Variants in KANK4 observed in about 807,000 individuals in gnomAD.
KANK4 encodes the protein KN motif and ankyrin repeat domains 4, also known as KN motif and ankyrin repeat domain-containing protein 4.
In KANK4, 50 loss-of-function variants were observed where a neutral mutation model predicts 80.8. The ratio of observed to expected loss-of-function variants is 0.62; its 90% CI spans 0.49 to 0.78. The LOEUF (loss-of-function observed/expected upper bound fraction) is 0.78, where lower values mean the gene tolerates loss of function less well. Among genes scored for constraint, KANK4 ranks in the 30% least tolerant of loss-of-function variants. The pLI is 0.00. For synonymous variants in KANK4, 465 were observed against 506.9 expected (o/e 0.92, Z 1.11); for missense variants, 1,196 against 1,240.1 (o/e 0.96, Z 0.53).
In KANK4 at chr1:62,274,012, T is replaced by C; in HGVS notation, c.1092A>G (p.Ala364=). 8 of 1,614,204 alleles carry C rather than the reference T, an allele frequency of 5.0e-6. No homozygotes were observed. Among genetic ancestry groups the C allele is most frequent in the Non-Finnish European group, 6.8e-6 (8 of 1,180,036 alleles). The change falls in exon 3 of 10, where the codon GCA becomes GCG. Residue 364 remains alanine (A), a synonymous_variant. Coordinates refer to ENST00000371153, the MANE Select transcript of KANK4 (RefSeq NM_181712.5). ...GELSGRTEEL[A]QVRTALQQQE... is the part of the protein sequence containing the mutation. ...GCTGCTGGAGAGCAGTTCTGACCTG[T>C]GCCAGTTCCTCGGTTCTTCCAGACA... is the stretch of plus-strand genomic sequence containing the variant.
chr1:62,254,916 T>C (rs1671715540), intron 7 of KANK4, among the ~76,000 whole-genome samples: 1 of 120,176 alleles, frequency 8.3e-6, no homozygotes, highest in Non-Finnish European at 1.6e-5. Context: ...AGACGGAGTC[T>C]CGCTCTGTCA....
chr1:62,260,275 C>A (rs769793798), intron 7 of KANK4, among the ~76,000 whole-genome samples: 1 of 151,938 alleles, frequency 6.6e-6, no homozygotes, highest in African/African-American at 2.4e-5. Context: ...TTGTATCTTT[C>A]ACCTTCCTCC....
Position 62,263,159 on chromosome 1 carries a change from C to G in KANK4, c.2472G>C (p.Gly824=), listed in dbSNP as rs187029240. 1.2e-6 allele frequency: 2 copies of G among 1,613,950 alleles called. No homozygotes were observed. The highest frequency in any genetic ancestry group is 1.7e-6 in the Non-Finnish European group (2 of 1,179,940). Residue 824 remains glycine (G), a synonymous_variant, in exon 7 of 10, where the codon GGG becomes GGC. Transcript: ENST00000371153. Reference sequence around the variant, plus strand: ...ACACGCTGTAGTGAAGGGCCGTGTTCCCGTTGTGATCGGCCAAGTTGACAA... The same window carrying G: ...ACACGCTGTAGTGAAGGGCCGTGTTGCCGTTGTGATCGGCCAAGTTGACAA... ...KLLVNLADHN[G]NTALHYSVSH...
intron 1 of KANK4, among the ~76,000 whole-genome samples, chr1:62,283,573 A>G (rs1450012235): frequency 6.6e-6 from 1 of 152,184 alleles, no homozygotes; most frequent in Non-Finnish European, 1.5e-5. Flanking sequence ...GTGAGGGGAA[A>G]TGCTTCTGAC....
chr1:62,249,355 TGC>T (rs1437661469), intron 8 of KANK4, among the ~76,000 whole-genome samples: 29 of 96,268 alleles, frequency 3.0e-4, no homozygotes, highest in African/African-American at 1.1e-3. Context: ...TTTGTGTGTG[TGC>T]GTGTGTGTAT....
rs1251333027 is a variant in KANK4, at chr1:62,236,549, T to G, written c.*1728A>C. On this transcript the variant is annotated 3_prime_UTR_variant, in exon 10 of 10. Coordinates refer to ENST00000371153, the MANE Select transcript of KANK4 (RefSeq NM_181712.5). ...ATGAATCACAATGGCAAAAGAAGTT[T>G]GCTGTACCATTGCTGTAGATGGCCT... Among the ~76,000 whole-genome samples, 1 of 152,070 alleles carries G rather than the reference T, an allele frequency of 6.6e-6. No individual in the cohort carries two copies. Among genetic ancestry groups the G allele is most frequent in the Non-Finnish European group, 1.5e-5 (1 of 68,010 alleles).
rs542273144 is a variant in KANK4, at chr1:62,308,615, G to A, written c.-71+10491C>T. ...AAAGCCCAGCCACCCTCTCAAAGGA[G>A]CAGTTTCCAGCACCCACCAACACTC... On this transcript the variant is annotated intron_variant, in intron 1 of 9. Transcript: ENST00000371153. Among the ~76,000 whole-genome samples, 5 of 152,264 alleles carry A rather than the reference G, an allele frequency of 3.3e-5. No homozygotes were observed. In the South Asian group the frequency reaches 1.0e-3, roughly 32 times the overall value.
intron 3 of KANK4, chr1:62,272,192 C>T (rs1672179305): frequency 6.5e-6 from 1 of 152,822 alleles, no homozygotes; most frequent in Non-Finnish European, 1.5e-5. Flanking sequence ...TGCTGCCCTG[C>T]AAAGCAAAAC....
intron 1 of KANK4, among the ~76,000 whole-genome samples, chr1:62,295,050 A>G (rs1018142497): frequency 2.8e-4 from 42 of 152,200 alleles, no homozygotes; most frequent in African/African-American, 9.9e-4. Context: ...GGTTTATATC[A>G]CCCCACGGAG....
intron 6 of KANK4, among the ~76,000 whole-genome samples, chr1:62,264,833 G>T (rs979560557): frequency 2.6e-5 from 4 of 152,158 alleles, no homozygotes; most frequent in Admixed American, 6.5e-5. Flanking sequence ...CGTTTGTTTG[G>T]TTGGTTGGTT....
chr1:62,258,942 C>A (rs1186151481), intron 7 of KANK4, among the ~76,000 whole-genome samples: 2 of 152,026 alleles, frequency 1.3e-5, no homozygotes, highest in Non-Finnish European at 2.9e-5. Flanking sequence ...ATACAAAAAT[C>A]CCAGGAGGGA....
chr1:62,305,338 TCGCTTTGTCGC>T (rs1436545124), intron 1 of KANK4, among the ~76,000 whole-genome samples: 31 of 152,150 alleles, frequency 2.0e-4, no homozygotes, highest in Non-Finnish European at 4.1e-4. Flanking sequence ...AGACAGAGTC[TCGCTTTGTCGC>T]CCAGGCTGGA....
chr1:62,248,401 C>T (rs1671523310), intron 8 of KANK4, among the ~76,000 whole-genome samples: 1 of 152,056 alleles, frequency 6.6e-6, no homozygotes, highest in South Asian at 2.1e-4. Context: ...TGGGGTCTTG[C>T]TGTGTTACCC....
chr1:62,303,663 T>C (rs1305505983), intron 1 of KANK4, among the ~76,000 whole-genome samples: 1 of 152,044 alleles, frequency 6.6e-6, no homozygotes, highest in Admixed American at 6.6e-5. Context: ...TAAAATGTGC[T>C]GTAAGTGTAA....
At chr1:62,319,053 T>G (rs1191624486) in intron 1 of KANK4, 53 bp downstream of exon 1, 1 of 152,136 alleles carries the variant, frequency 6.6e-6, no homozygotes, top group African/African-American at 2.4e-5. Flanking sequence ...AGGGCGGGTG[T>G]TGAACACCCC....
At chr1:62,268,215 A>G in intron 5 of KANK4, 72 bp downstream of exon 5, 2 of 1,189,382 alleles carry the variant, frequency 1.7e-6, no homozygotes, top group Non-Finnish European at 2.5e-6. Context: ...AAATGATCGC[A>G]TGAACGGGTA....
intron 1 of KANK4, among the ~76,000 whole-genome samples, chr1:62,295,667 A>C (rs1373388075): frequency 6.6e-6 from 1 of 152,248 alleles, no homozygotes; most frequent in Non-Finnish European, 1.5e-5. Context: ...AGCAGGGCCA[A>C]GGTCAGAGTC....
At chr1:62,251,907 G>A (rs983652346) in intron 8 of KANK4, among the ~76,000 whole-genome samples, 14 of 151,136 alleles carry the variant, frequency 9.3e-5, no homozygotes, top group South Asian at 2.1e-4. Context: ...CGGAAGAATC[G>A]CTTGAACCCA....
intron 2 of KANK4, among the ~76,000 whole-genome samples, chr1:62,275,731 C>A (rs951242130): frequency 6.6e-6 from 1 of 152,032 alleles, no homozygotes; most frequent in Admixed American, 6.6e-5. Context: ...CATGTGAAAA[C>A]TGCCTAGTGC....
Sources: allele counts gnomAD v4.1 joint callset (sites outside exome capture counted in the v4.1 genomes callset), GRCh38; gene constraint gnomAD v4.1.1; transcripts MANE v1.5; gene names NCBI Gene and HGNC (gene_info 2026-07-23, HGNC 2026-07-21).